The following RUNX2 variants were observed in gnomAD, a reference collection of about 807,000 sequenced individuals.
The protein encoded by RUNX2 is RUNX family transcription factor 2, also known as runt-related transcription factor 2.
In RUNX2, 10 loss-of-function variants were observed where a neutral mutation model predicts 51.7. The ratio of observed to expected loss-of-function variants is 0.19; its 90% confidence interval spans 0.12 to 0.33. The LOEUF (loss-of-function observed/expected upper bound fraction) is 0.33, where lower values mean the gene tolerates loss of function less well. Among genes scored for constraint, RUNX2 ranks in the 10% least tolerant of loss-of-function variants. The pLI, the probability that RUNX2 is intolerant of heterozygous loss-of-function variation, is 1.00. For missense variants in RUNX2, 562 were observed against 691.3 expected, an observed-to-expected ratio of 0.81 and a Z score of 2.10; for synonymous variants, 276 against 273.6, an observed-to-expected ratio of 1.01 and a Z score of -0.09.
At chr6:45,401,102 T>G (rs184564556) in intron 2 of RUNX2, among the ~76,000 whole-genome samples, 3 of 152,324 alleles carry the variant, frequency 2.0e-5, no homozygotes, top group Admixed American at 2.0e-4. Flanking sequence ...ACAAAAAAAT[T>G]TCTTCAGCAT....
intron 2 of RUNX2, chr6:45,422,020 G>A (rs563844667): frequency 6.7e-6 from 1 of 149,202 alleles, no homozygotes; most frequent in Non-Finnish European, 1.5e-5. Flanking sequence ...CCCGCGCGGG[G>A]GGAGCGGCGG....
rs138808461 is a variant in RUNX2 at position 45,491,156 on chromosome 6, T to TC, written c.686-778dup. On this transcript the variant is annotated intron_variant, in intron 5 of 8. Transcript: ENST00000647337. ...TAAACTAGAAGAGAGATAGAAAGGC[T>TC]CCCCCCCTCCGCCAAATAATGGATT... Among the ~76,000 whole-genome samples, 194 of 152,026 alleles carry TC rather than the reference T, an allele frequency of 1.3e-3. 1 individual carries two copies. The highest frequency in any genetic ancestry group is 3.5e-3 in the African/African-American group (147 of 41,446).
intron 2 of RUNX2, among the ~76,000 whole-genome samples, chr6:45,356,023 T>A (rs1208105330): frequency 6.6e-6 from 1 of 152,150 alleles, no homozygotes; most frequent in African/African-American, 2.4e-5. Context: ...GGTTGTAACG[T>A]AGTTGTTTTA....
intron 6 of RUNX2, among the ~76,000 whole-genome samples, chr6:45,506,801 C>T (rs766006342): frequency 3.9e-4 from 60 of 152,044 alleles, no homozygotes; most frequent in Admixed American, 2.2e-3. Flanking sequence ...TCACTGCACC[C>T]GGATAATTTT....
intron 2 of RUNX2, among the ~76,000 whole-genome samples, chr6:45,376,850 C>A (rs1278080845): frequency 6.6e-6 from 1 of 151,766 alleles, no homozygotes; most frequent in African/African-American, 2.4e-5. Flanking sequence ...CTTCCAAATA[C>A]ATACATACAT....
chr6:45,467,267 T>TTTTA (rs976814208), intron 5 of RUNX2, among the ~76,000 whole-genome samples: 5 of 152,158 alleles, frequency 3.3e-5, no homozygotes, highest in Non-Finnish European at 5.9e-5. Flanking sequence ...TTGCTTTATC[T>TTTTA]TTTATTTATT....
Position 45,456,002 on chromosome 6 carries a change from A to G in RUNX2, c.685+17951A>G, listed in dbSNP as rs552205749. On this transcript the variant is annotated intron_variant, in intron 5 of 8. Transcript: ENST00000647337. ...TTGTTAGGACTAGTAACAAAAGCAT[A>G]TATATGATGCTCAGTGCTGCCAATT... is the stretch of plus-strand genomic sequence containing the variant. 3.3e-5 allele frequency among the ~76,000 whole-genome samples: 5 copies of G among 152,348 alleles called. 1 individual carries two copies. In the South Asian group the frequency reaches 1.0e-3, roughly 32 times the overall value.
intron 2 of RUNX2, among the ~76,000 whole-genome samples, chr6:45,393,962 C>T (rs1797528996): frequency 6.6e-6 from 1 of 150,826 alleles, no homozygotes. Context: ...CTCACTCTGC[C>T]CAGGCGTGAT....
chr6:45,520,162 G>A (rs1032410837), intron 7 of RUNX2, among the ~76,000 whole-genome samples: 2 of 151,926 alleles, frequency 1.3e-5, no homozygotes, highest in Non-Finnish European at 2.9e-5. Context: ...AATCATCAAA[G>A]GTGCTCTACC....
At chr6:45,439,555 A>G (rs1798782698) in intron 5 of RUNX2, among the ~76,000 whole-genome samples, 1 of 152,178 alleles carries the variant, frequency 6.6e-6, no homozygotes, top group African/African-American at 2.4e-5. Flanking sequence ...ACATAGCAGG[A>G]TAGTTGGTTT....
At chr6:45,519,368 T>C (rs1218146359) in intron 7 of RUNX2, among the ~76,000 whole-genome samples, 4 of 152,222 alleles carry the variant, frequency 2.6e-5, no homozygotes, top group Non-Finnish European at 5.9e-5. Flanking sequence ...ATGTAATTGA[T>C]GAACCAATAT....
chr6:45,441,323 T>G (rs1018951585), intron 5 of RUNX2, among the ~76,000 whole-genome samples: 4 of 152,228 alleles, frequency 2.6e-5, no homozygotes, highest in African/African-American at 9.6e-5. Flanking sequence ...CTGGGTTAAC[T>G]GGTTGGGTCT....
At chr6:45,486,384 A>G (rs1247621834) in intron 5 of RUNX2, among the ~76,000 whole-genome samples, 1 of 152,202 alleles carries the variant, frequency 6.6e-6, no homozygotes, top group East Asian at 1.9e-4. Flanking sequence ...ACCAGTACAC[A>G]TTAGCTGCAC....
chr6:45,481,486 A>G (rs1800112707), intron 5 of RUNX2, among the ~76,000 whole-genome samples: 2 of 152,218 alleles, frequency 1.3e-5, no homozygotes, highest in Non-Finnish European at 2.9e-5. Flanking sequence ...AAAACACTCA[A>G]GTTTTACTAA....
chr6:45,329,213 A>C (rs1786962385), intron 2 of RUNX2, among the ~76,000 whole-genome samples: 1 of 151,984 alleles, frequency 6.6e-6, no homozygotes, highest in African/African-American at 2.4e-5. Context: ...AAAATAACAG[A>C]CCACAGAATT....
At chr6:45,515,256 G>A (rs182156978) in intron 7 of RUNX2, among the ~76,000 whole-genome samples, 235 of 152,200 alleles carry the variant, frequency 1.5e-3, no homozygotes, top group African/African-American at 5.3e-3. Context: ...TTGGATGTTC[G>A]GACCCAGGTT....
chr6:45,345,909 G>C (rs1190544057), intron 2 of RUNX2, among the ~76,000 whole-genome samples: 2 of 151,958 alleles, frequency 1.3e-5, no homozygotes, highest in Non-Finnish European at 2.9e-5. Context: ...TAAGCTATTT[G>C]CTCCAAATGC....
At chr6:45,375,214 A>G (rs1318793624) in intron 2 of RUNX2, among the ~76,000 whole-genome samples, 2 of 152,208 alleles carry the variant, frequency 1.3e-5, no homozygotes, top group Non-Finnish European at 2.9e-5. Flanking sequence ...TCTCAAAAAT[A>G]ATAAAGTATT....
chr6:45,440,399 T>C (rs1582114280), intron 5 of RUNX2, among the ~76,000 whole-genome samples: 1 of 152,166 alleles, frequency 6.6e-6, no homozygotes, highest in South Asian at 2.1e-4. Flanking sequence ...ATAATAGGAG[T>C]TTGATTAGTT....
Sources: allele counts gnomAD v4.1 joint callset (sites outside exome capture counted in the v4.1 genomes callset), GRCh38; gene constraint gnomAD v4.1.1; transcripts MANE v1.5; gene names NCBI Gene and HGNC (gene_info 2026-07-23, HGNC 2026-07-21).